The following ZNRF2 variants were observed in gnomAD, a reference collection of about 807,000 sequenced individuals.
ZNRF2 encodes zinc and ring finger 2.
A neutral mutation model predicts 20.4 loss-of-function variants in ZNRF2; 16 were observed. That is an observed-to-expected ratio of 0.79 (90% CI 0.53 to 1.19). The LOEUF (loss-of-function observed/expected upper bound fraction) is 1.19. Among genes scored for constraint, ZNRF2 ranks in the 50% most tolerant of loss-of-function variants. ZNRF2 has a pLI of 0.00. For synonymous variants in ZNRF2, 178 were observed against 144.9 expected (o/e 1.23, Z -1.64); for missense variants, 363 against 332.4 (o/e 1.09, Z -0.72).
At chr7:30,305,933 C>G (rs929110974) in intron 1 of ZNRF2, among the ~76,000 whole-genome samples, 1 of 152,066 alleles carries the variant, frequency 6.6e-6, no homozygotes, top group African/African-American at 2.4e-5. Context: ...AAACATTATT[C>G]TGGGTATCTT....
In ZNRF2 at chr7:30,302,219, T is replaced by C. The variant is rs187279481; in HGVS notation, c.469+16393T>C. ...GCTCCTCATTCTATATGTGAATATA[T>C]GATAGTGGTCTGTAAACCCAAGCTG... On this transcript the variant is annotated intron_variant, in intron 1 of 4. Coordinates refer to ENST00000323037, the MANE Select transcript of ZNRF2 (RefSeq NM_147128.4). Among the ~76,000 whole-genome samples, 45 of 152,344 alleles carry C rather than the reference T, an allele frequency of 3.0e-4. 1 individual carries two copies. The highest frequency in any genetic ancestry group is 9.1e-4 in the African/African-American group (38 of 41,588).
rs1799154259 is a variant in ZNRF2 at position 30,303,639 on chromosome 7, G to A, written c.469+17813G>A. Among the ~76,000 whole-genome samples the A allele has an allele frequency of 2.0e-5, 3 of 152,182 alleles. No individual in the cohort carries two copies. In the South Asian group the frequency reaches 6.2e-4, roughly 32 times the overall value. On this transcript the variant is annotated intron_variant, in intron 1 of 4. Coordinates refer to ENST00000323037, the MANE Select transcript of ZNRF2 (RefSeq NM_147128.4). Reference sequence around the variant, plus strand: ...TGGAAAAAGGTATCTTTAAGAGTAGGATATGATTGTGTTGATCACAGAGTA... The same window carrying A: ...TGGAAAAAGGTATCTTTAAGAGTAGAATATGATTGTGTTGATCACAGAGTA...
chr7:30,303,454 T>A (rs555253202), intron 1 of ZNRF2, among the ~76,000 whole-genome samples: 1 of 152,260 alleles, frequency 6.6e-6, no homozygotes, highest in Admixed American at 6.5e-5. Flanking sequence ...AGTTTCTGAT[T>A]GAGTAGTTTT....
At position 30,284,926 on chromosome 7, in the gene ZNRF2, CGGAGGATGGCGGCGGTAGCA is replaced by C. The variant is rs1798743597; in HGVS notation, c.-430_-411del. Reference sequence around the variant, plus strand: ...CTCAGCCGCCAGCCGCCGTGGGAGCCGGAGGATGGCGGCGGTAGCAGCGGCCGCCCGAGAGGAGGCGGTGC... The same window carrying C: ...CTCAGCCGCCAGCCGCCGTGGGAGCCGCGGCCGCCCGAGAGGAGGCGGTGC... On this transcript the variant is annotated 5_prime_UTR_variant, in exon 1 of 5. It removes an upstream start codon present in the reference 5' UTR. Transcript: ENST00000323037. 3.9e-6 allele frequency: 1 copy of C among 254,208 alleles called. No individual in the cohort carries two copies. The highest frequency in any genetic ancestry group is 6.3e-5 in the Admixed American group (1 of 15,992). The allele number at this position is 254,208 out of a possible 1,614,324, so 15.7% of individuals were successfully genotyped here.
At chr7:30,339,335 T>C (rs142982771) in intron 2 of ZNRF2, among the ~76,000 whole-genome samples, 34,563 of 152,106 alleles carry the variant, frequency 0.23, 8,702 homozygotes, top group African/African-American at 0.63. Flanking sequence ...GTCATGAAGT[T>C]TTTGCCCATG....
intron 2 of ZNRF2, among the ~76,000 whole-genome samples, chr7:30,326,800 T>C (rs1169039620): frequency 1.3e-5 from 2 of 150,448 alleles, no homozygotes; most frequent in African/African-American, 4.9e-5. Context: ...CCAACATGTA[T>C]TTTTTTTTGA....
chr7:30,287,066 CTT>C lies in ZNRF2; in HGVS notation c.469+1243_469+1244del, dbSNP rs1227635170. ...CAAATTCAATTGGAACGACGCTTGA[CTT>C]TTAATTAGCTACCTTGTTTTAAAGT... is the stretch of plus-strand genomic sequence containing the variant. On this transcript the variant is annotated intron_variant, in intron 1 of 4. Transcript: ENST00000323037. 3.3e-5 allele frequency among the ~76,000 whole-genome samples: 5 copies of C among 152,290 alleles called. No individual in the cohort carries two copies. In the South Asian group the frequency reaches 1.0e-3, roughly 32 times the overall value.
chr7:30,344,710 G>C (rs1799849913), intron 2 of ZNRF2, among the ~76,000 whole-genome samples: 1 of 152,124 alleles, frequency 6.6e-6, no homozygotes, highest in Non-Finnish European at 1.5e-5. Context: ...AGTTTTTTCA[G>C]ATGTCTCTTG....
At chr7:30,353,939 T>C (rs1487575388) in intron 2 of ZNRF2, among the ~76,000 whole-genome samples, 2 of 152,118 alleles carry the variant, frequency 1.3e-5, no homozygotes, top group Non-Finnish European at 2.9e-5. Flanking sequence ...TACTTGGAAT[T>C]ATAGACCTTT....
intron 1 of ZNRF2, among the ~76,000 whole-genome samples, chr7:30,304,333 A>G (rs1484332488): frequency 2.6e-5 from 4 of 152,222 alleles, no homozygotes; most frequent in Non-Finnish European, 2.9e-5. Context: ...CCCTATTATT[A>G]CATTTAATGG....
chr7:30,365,745 G>C lies in ZNRF2; in HGVS notation c.*23-290G>C, dbSNP rs559794956. Among the ~76,000 whole-genome samples, 10 of 152,158 alleles carry C rather than the reference G, an allele frequency of 6.6e-5. No homozygotes were observed. In the East Asian group the frequency reaches 1.9e-3, roughly 29 times the overall value. On this transcript the variant is annotated intron_variant, in intron 4 of 4. Transcript: ENST00000323037. ...AAAATAGAGAGACATGAATATTTGT[G>C]GTCTTGATTAGTTAGAAAATTGCTG...
chr7:30,311,925 T>C (rs1374624157), intron 1 of ZNRF2, among the ~76,000 whole-genome samples: 1 of 152,170 alleles, frequency 6.6e-6, no homozygotes, highest in East Asian at 1.9e-4. Flanking sequence ...TACCTGTTGA[T>C]TTGCCATGGT....
chr7:30,306,511 TG>T (rs1799208267), intron 1 of ZNRF2, among the ~76,000 whole-genome samples: 2 of 152,148 alleles, frequency 1.3e-5, no homozygotes, highest in Non-Finnish European at 2.9e-5. Flanking sequence ...ACTGTTCATT[TG>T]TTTAGGATAA....
chr7:30,313,242 G>A (rs893361386), intron 1 of ZNRF2, among the ~76,000 whole-genome samples: 2 of 152,198 alleles, frequency 1.3e-5, no homozygotes, highest in South Asian at 2.1e-4. Flanking sequence ...AAGCCAATGC[G>A]TATAAACAGT....
At chr7:30,291,926 T>G (rs1798918211) in intron 1 of ZNRF2, among the ~76,000 whole-genome samples, 1 of 151,980 alleles carries the variant, frequency 6.6e-6, no homozygotes, top group African/African-American at 2.4e-5. Context: ...GGAAAGGAAG[T>G]TTTTTAAAAA....
At chr7:30,293,752 G>A (rs201762553) in intron 1 of ZNRF2, among the ~76,000 whole-genome samples, 1 of 152,288 alleles carries the variant, frequency 6.6e-6, no homozygotes, top group East Asian at 1.9e-4. Flanking sequence ...GATATATTTC[G>A]AGTAATGTCA....
intron 1 of ZNRF2, among the ~76,000 whole-genome samples, chr7:30,312,378 C>A (rs1174408978): frequency 2.0e-5 from 3 of 152,096 alleles, no homozygotes; most frequent in African/African-American, 7.2e-5. Context: ...TTTGTGCGTT[C>A]ATGTGCATAT....
At chr7:30,289,045 G>A (rs1200827908) in intron 1 of ZNRF2, 1 of 152,172 alleles carries the variant, frequency 6.6e-6, no homozygotes, top group Non-Finnish European at 1.5e-5. Context: ...ATTATTTCCA[G>A]AGAAATCGTG....
At chr7:30,337,738 T>C (rs1799737324) in intron 2 of ZNRF2, among the ~76,000 whole-genome samples, 1 of 151,860 alleles carries the variant, frequency 6.6e-6, no homozygotes, top group African/African-American at 2.4e-5. Context: ...TTCTTTATTA[T>C]AAATAAATTA....
Sources: allele counts gnomAD v4.1 joint callset (sites outside exome capture counted in the v4.1 genomes callset), GRCh38; gene constraint gnomAD v4.1.1; transcripts MANE v1.5; gene names NCBI Gene and HGNC (gene_info 2026-07-23, HGNC 2026-07-21).